Variants in ESR1 observed in about 807,000 individuals in gnomAD.
ESR1 encodes the protein estrogen receptor.
In ESR1, 12 loss-of-function variants were observed where a neutral mutation model predicts 52.7. That is an observed-to-expected ratio of 0.23 (90% CI 0.15 to 0.37). The LOEUF (loss-of-function observed/expected upper bound fraction) is 0.37. Ranked by LOEUF, ESR1 falls within the 10% of genes least tolerant of loss-of-function variation. ESR1 has a pLI of 1.00. For missense variants in ESR1, 584 were observed against 779.7 expected (o/e 0.75, Z 2.99); for synonymous variants, 305 against 316.8 (o/e 0.96, Z 0.39).
intron 1 of ESR1, among the ~76,000 whole-genome samples, chr6:151,819,329 A>G (rs3844509): frequency 0.24 from 36,081 of 152,058 alleles, 5,648 homozygotes; most frequent in African/African-American, 0.45. Flanking sequence ...ATAGAGCAGC[A>G]GTCCCCAGCC....
chr6:151,869,476 C>A (rs1790563793), intron 2 of ESR1, among the ~76,000 whole-genome samples: 1 of 152,118 alleles, frequency 6.6e-6, no homozygotes, highest in South Asian at 2.1e-4. Flanking sequence ...GGTTCATTGT[C>A]CCTGAGGTAT....
intron 1 of ESR1, among the ~76,000 whole-genome samples, chr6:151,694,575 G>C (rs1171018980): frequency 1.3e-5 from 2 of 152,248 alleles, no homozygotes; most frequent in Non-Finnish European, 2.9e-5. Flanking sequence ...ATCACCTGAG[G>C]TCAAGAGTTC....
chr6:151,899,583 C>G (rs1584063985), intron 3 of ESR1, among the ~76,000 whole-genome samples: 1 of 151,012 alleles, frequency 6.6e-6, no homozygotes, highest in Non-Finnish European at 1.5e-5. Flanking sequence ...AGCTGACCCC[C>G]CCACCTCCCT....
At chr6:151,874,462 T>G (rs1217851341) in intron 2 of ESR1, among the ~76,000 whole-genome samples, 1 of 152,202 alleles carries the variant, frequency 6.6e-6, no homozygotes, top group Non-Finnish European at 1.5e-5. Flanking sequence ...CAAGTACGAT[T>G]TCTGACTCCA....
At chr6:151,808,690 G>C (rs962984513) in intron 1 of ESR1, among the ~76,000 whole-genome samples, 1 of 152,194 alleles carries the variant, frequency 6.6e-6, no homozygotes, top group East Asian at 1.9e-4. Flanking sequence ...AGTTATTTGT[G>C]GGGGAAAACA....
At chr6:151,693,822 T>A (rs576857739) in intron 1 of ESR1, among the ~76,000 whole-genome samples, 11 of 152,336 alleles carry the variant, frequency 7.2e-5, no homozygotes, top group African/African-American at 2.6e-4. Flanking sequence ...TTTACCATGT[T>A]GGCCAGGCTG....
At chr6:151,899,098 C>T (rs1415363567) in intron 3 of ESR1, among the ~76,000 whole-genome samples, 60 of 143,504 alleles carry the variant, frequency 4.2e-4, no homozygotes, top group African/African-American at 1.6e-3. Context: ...ACCTCCCTCC[C>T]GGACGGGGCG....
At chr6:152,090,595 G>A (rs917521515) in intron 6 of ESR1, among the ~76,000 whole-genome samples, 2 of 152,232 alleles carry the variant, frequency 1.3e-5, no homozygotes, top group East Asian at 1.9e-4. Flanking sequence ...CACAGGCACT[G>A]CAGTGTACAG....
intron 2 of ESR1, among the ~76,000 whole-genome samples, chr6:151,869,867 T>G (rs1000747836): frequency 6.6e-6 from 1 of 152,268 alleles, no homozygotes; most frequent in South Asian, 2.1e-4. Flanking sequence ...CTGACAAGAT[T>G]AACTAGAACT....
intron 2 of ESR1, among the ~76,000 whole-genome samples, chr6:151,846,184 G>C (rs1488101911): frequency 6.6e-6 from 1 of 152,182 alleles, no homozygotes; most frequent in Non-Finnish European, 1.5e-5. Flanking sequence ...CAGGAGGAAA[G>C]GCAGAGCGCG....
chr6:151,951,358 GAGCTTTTAAAGTAGGGGGAA>G (rs1191686068), intron 4 of ESR1, among the ~76,000 whole-genome samples: 1 of 152,082 alleles, frequency 6.6e-6, no homozygotes, highest in East Asian at 1.9e-4. Flanking sequence ...TACTGGTTAA[GAGCTTTTAAAGTAGGGGGAA>G]AGATATGACC....
At chr6:151,853,477 C>G (rs1173699568) in intron 2 of ESR1, among the ~76,000 whole-genome samples, 1 of 152,148 alleles carries the variant, frequency 6.6e-6, no homozygotes, top group Non-Finnish European at 1.5e-5. Context: ...AAATCACAGC[C>G]TTTCAACCTG....
chr6:151,817,159 A>G (rs2128180881), intron 1 of ESR1, among the ~76,000 whole-genome samples: 1 of 152,366 alleles, frequency 6.6e-6, no homozygotes, highest in African/African-American at 2.4e-5. Flanking sequence ...TGGAATATCC[A>G]AATCAAGGAT....
intron 6 of ESR1, among the ~76,000 whole-genome samples, chr6:152,092,260 T>A (rs944838462): frequency 2.0e-5 from 3 of 152,274 alleles, no homozygotes. Context: ...CATTCTGTGC[T>A]GTTTGCTTTA....
At chr6:151,934,784 G>A (rs1032440821) in intron 3 of ESR1, among the ~76,000 whole-genome samples, 5 of 152,194 alleles carry the variant, frequency 3.3e-5, no homozygotes, top group African/African-American at 1.2e-4. Context: ...CAGGATGTGT[G>A]CAATTTGTAA....
chr6:151,824,969 G>A (rs1781242653), intron 1 of ESR1, among the ~76,000 whole-genome samples: 1 of 151,906 alleles, frequency 6.6e-6, no homozygotes. Flanking sequence ...CTATGGATTA[G>A]GTAACTTTTG....
chr6:152,103,567 A>G (rs181525604), downstream of ESR1, among the ~76,000 whole-genome samples: 206 of 152,352 alleles, frequency 1.4e-3, 1 homozygote, highest in Admixed American at 2.1e-3. Context: ...GATAAGTAAT[A>G]ACACCTAATT....
chr6:151,948,300 T>G (rs2035939563), intron 4 of ESR1, among the ~76,000 whole-genome samples: 2 of 152,354 alleles, frequency 1.3e-5, no homozygotes, highest in South Asian at 2.1e-4. Flanking sequence ...ACCATAATTT[T>G]ACATGTCTCG....
At chr6:151,748,603 T>C (rs1783664223) in intron 2 of ESR1, among the ~76,000 whole-genome samples, 1 of 152,226 alleles carries the variant, frequency 6.6e-6, no homozygotes, top group Non-Finnish European at 1.5e-5. Context: ...AAAAACAAGT[T>C]ATACTGCTAT....
Sources: allele counts gnomAD v4.1 joint callset (sites outside exome capture counted in the v4.1 genomes callset), GRCh38; gene constraint gnomAD v4.1.1; transcripts MANE v1.5; gene names NCBI Gene and HGNC (gene_info 2026-07-23, HGNC 2026-07-21).